Variants in MAPK4 observed in about 807,000 individuals in gnomAD.
The protein encoded by MAPK4 is Erk3-related.
In MAPK4, 22 loss-of-function variants were observed where a neutral mutation model predicts 47.7. That is an observed-to-expected ratio of 0.46 (90% confidence interval 0.33 to 0.66). The LOEUF (loss-of-function observed/expected upper bound fraction) is 0.66. Among genes scored for constraint, MAPK4 ranks in the 30% least tolerant of loss-of-function variants. The pLI is 0.02. For synonymous variants in MAPK4, 390 were observed against 365.7 expected (o/e 1.07, Z -0.76); for missense variants, 736 against 831.7 (o/e 0.88, Z 1.42).
chr18:50,674,723 C>T (rs538508165), intron 2 of MAPK4, among the ~76,000 whole-genome samples: 3 of 152,318 alleles, frequency 2.0e-5, no homozygotes, highest in South Asian at 2.1e-4. Context: ...GTTATCCCCA[C>T]GTTACTGTGA....
chr18:50,599,545 A>G (rs1568040034), intron 1 of MAPK4, among the ~76,000 whole-genome samples: 1 of 151,980 alleles, frequency 6.6e-6, no homozygotes, highest in East Asian at 1.9e-4. Context: ...CAGCCTCCTA[A>G]TAGCTGGGAG....
At chr18:50,586,971 A>G (rs1056207089) in intron 1 of MAPK4, among the ~76,000 whole-genome samples, 3 of 152,206 alleles carry the variant, frequency 2.0e-5, no homozygotes, top group Admixed American at 1.3e-4. Context: ...TAAGGTTTCA[A>G]TCTGAGAAAA....
chr18:50,629,512 C>T (rs779966065), intron 1 of MAPK4: 3 of 152,202 alleles, frequency 2.0e-5, no homozygotes, highest in Non-Finnish European at 2.9e-5. Flanking sequence ...GAGGCAGGTC[C>T]AGGAACATAA....
rs147943533 is a variant in MAPK4 at position 50,693,699 on chromosome 18, G to A, written c.547-21380G>A. 1.4e-3 allele frequency among the ~76,000 whole-genome samples: 217 copies of A among 152,300 alleles called. 3 individuals carry two copies. The highest frequency in any genetic ancestry group is 4.8e-3 in the African/African-American group (198 of 41,568). The stretch of plus-strand genomic sequence containing the variant: ...GCTTTCAAGCGTGCATGTGCTTTCC[G>A]TGGGTTTGTTTCCACGTGTTTGCTT... On this transcript the variant is annotated intron_variant, in intron 2 of 5. Coordinates refer to ENST00000400384, the MANE Select transcript of MAPK4 (RefSeq NM_002747.4).
chr18:50,573,702 A>G (rs2338829), intron 1 of MAPK4, among the ~76,000 whole-genome samples: 28,733 of 152,166 alleles, frequency 0.19, 2,781 homozygotes, highest in East Asian at 0.36. Flanking sequence ...AGGGTTGGGG[A>G]CCACTGCTCT....
intron 2 of MAPK4, among the ~76,000 whole-genome samples, chr18:50,700,565 G>A (rs1909734586): frequency 6.6e-6 from 1 of 152,164 alleles, no homozygotes; most frequent in Admixed American, 6.5e-5. Flanking sequence ...GCTGAGAGTG[G>A]GCAGGACCCA....
At chr18:50,604,777 T>G (rs1372628545) in intron 1 of MAPK4, among the ~76,000 whole-genome samples, 2 of 152,162 alleles carry the variant, frequency 1.3e-5, no homozygotes, top group African/African-American at 2.4e-5. Context: ...TTCCCTTGGC[T>G]GTTAACAGCT....
Position 50,729,430 on chromosome 18 carries a change from A to G in MAPK4, c.1340A>G (p.Lys447Arg), listed in dbSNP as rs1285906945. ...GACAAGCTGCTGTGGCGCGACAACA[A>G]GCCGCACCACTACTCGGAGCCCAAG... Reference protein sequence around the residue: ...YLDKLLWRDNKPHHYSEPKLI... With the variant: ...YLDKLLWRDNRPHHYSEPKLI... Residue 447 changes from lysine to arginine, a missense_variant, in exon 6 of 6, where the codon AAG becomes AGG. Around this residue, in one of 3 missense-constraint regions of MAPK4, gnomAD observed 377 missense variants for 378.6 expected, o/e 1.00. Transcript: ENST00000400384. 6.5e-7 allele frequency: 1 copy of G among 1,546,506 alleles called. No individual in the cohort carries two copies. Among genetic ancestry groups the G allele is most frequent in the South Asian group, 1.2e-5 (1 of 84,892 alleles).
At chr18:50,646,641 T>A (rs1039776631) in intron 1 of MAPK4, among the ~76,000 whole-genome samples, 2 of 152,220 alleles carry the variant, frequency 1.3e-5, no homozygotes, top group Admixed American at 6.5e-5. Context: ...TTCTGTGTCC[T>A]CACAGGACAG....
intron 1 of MAPK4, among the ~76,000 whole-genome samples, chr18:50,605,946 C>T (rs1002331945): frequency 6.6e-6 from 1 of 151,816 alleles, no homozygotes; most frequent in Non-Finnish European, 1.5e-5. Context: ...GTCATGAGGG[C>T]AGACTCTGGC....
At chr18:50,605,966 A>C (rs894009203) in intron 1 of MAPK4, among the ~76,000 whole-genome samples, 1 of 147,912 alleles carries the variant, frequency 6.8e-6, no homozygotes, top group Admixed American at 6.8e-5. Context: ...CTTGGTCCAC[A>C]TGCTTTGGCA....
intron 2 of MAPK4, among the ~76,000 whole-genome samples, chr18:50,694,336 C>A (rs1909391455): frequency 6.6e-6 from 1 of 152,224 alleles, no homozygotes; most frequent in South Asian, 2.1e-4. Flanking sequence ...CCTTCATAAT[C>A]CCTATCCCAT....
chr18:50,632,817 A>G (rs6508019), intron 1 of MAPK4, among the ~76,000 whole-genome samples: 46,993 of 151,700 alleles, frequency 0.31, 7,755 homozygotes, highest in East Asian at 0.48. Context: ...ACAGGGTTTT[A>G]CCATGTTGGC....
At chr18:50,681,862 T>C (rs1908605847) in intron 2 of MAPK4, among the ~76,000 whole-genome samples, 1 of 152,206 alleles carries the variant, frequency 6.6e-6, no homozygotes, top group Admixed American at 6.5e-5. Flanking sequence ...CTTTGTTCCT[T>C]TTCAAGATTG....
At chr18:50,562,741 G>T (rs942150321) in intron 1 of MAPK4, among the ~76,000 whole-genome samples, 5 of 152,182 alleles carry the variant, frequency 3.3e-5, no homozygotes, top group African/African-American at 9.7e-5. Flanking sequence ...TGCAATATAG[G>T]CATTTATCAG....
rs1911383519 is a variant in MAPK4, at chr18:50,729,255, C to T, written c.1165C>T (p.Leu389=). Residue 389 remains leucine (L), a synonymous_variant, in exon 6 of 6, where the codon CTG becomes TTG. Transcript: ENST00000400384. ...QRDPRAGSAP[L]AEDVQVDPRK... is the part of the protein sequence containing the mutation. ...CGACCCGCGCGCGGGTTCGGCGCCACTGGCTGAGGACGTGCAGGTGGACCC... is the reference window on the plus strand; with the variant it reads ...CGACCCGCGCGCGGGTTCGGCGCCATTGGCTGAGGACGTGCAGGTGGACCC... 6.2e-7 allele frequency: 1 copy of T among 1,608,704 alleles called. No individual in the cohort carries two copies. Among genetic ancestry groups the T allele is most frequent in the Admixed American group, 1.7e-5 (1 of 59,870 alleles).
chr18:50,685,715 A>G (rs1333492986), intron 2 of MAPK4, among the ~76,000 whole-genome samples: 1 of 152,212 alleles, frequency 6.6e-6, no homozygotes, highest in Non-Finnish European at 1.5e-5. Flanking sequence ...AATGACCTGC[A>G]TCCTTCGCCT....
At chr18:50,616,916 A>G (rs1391191466) in intron 1 of MAPK4, among the ~76,000 whole-genome samples, 1 of 152,218 alleles carries the variant, frequency 6.6e-6, no homozygotes, top group Non-Finnish European at 1.5e-5. Context: ...ATACCCAGAA[A>G]CAATACTTTG....
intron 1 of MAPK4, among the ~76,000 whole-genome samples, chr18:50,642,763 CT>C (rs1459473767): frequency 2.0e-5 from 3 of 152,212 alleles, no homozygotes; most frequent in Non-Finnish European, 4.4e-5. Context: ...AAATGAGGAA[CT>C]GCCATTCTAT....
Sources: gnomAD v4.1 joint callset for allele counts (sites outside exome capture counted in the v4.1 genomes callset) on GRCh38, gnomAD v4.1.1 for gene constraint, gnomAD v4.1.1 regional missense constraint, MANE v1.5 for transcripts, NCBI Gene and HGNC (gene_info 2026-07-23, HGNC 2026-07-21) for gene names.